CNTNAP5: variants seen among roughly 807,000 people sequenced by gnomAD.
CNTNAP5 encodes the protein contactin-associated protein-like 5.
In CNTNAP5, 72 loss-of-function variants were observed where a neutral mutation model predicts 150.2. The observed-to-expected ratio is 0.48, with a 90% CI of 0.40 to 0.58. The LOEUF is 0.58. CNTNAP5 is among the 20% of genes least tolerant of loss of function. The pLI, the probability that CNTNAP5 is intolerant of heterozygous loss-of-function variation, is 0.00. For synonymous variants in CNTNAP5, 672 were observed against 619.8 expected (o/e 1.08, Z -1.25); for missense variants, 1,636 against 1,626.2 (o/e 1.01, Z -0.10).
chr2:124,290,616 T>A (rs999125805), intron 3 of CNTNAP5, among the ~76,000 whole-genome samples: 2 of 152,220 alleles, frequency 1.3e-5, no homozygotes, highest in Admixed American at 6.5e-5. Flanking sequence ...ACAGAATAGT[T>A]CTGCTGTCAT....
chr2:124,059,542 CT>C (rs1243574679), intron 1 of CNTNAP5, among the ~76,000 whole-genome samples: 5 of 152,156 alleles, frequency 3.3e-5, no homozygotes, highest in Non-Finnish European at 7.3e-5. Context: ...TCAGATTTTC[CT>C]GTCAAAATAA....
intron 3 of CNTNAP5, among the ~76,000 whole-genome samples, chr2:124,270,701 ATG>A (rs149484374): frequency 4.0e-5 from 6 of 151,674 alleles, no homozygotes; most frequent in Admixed American, 6.6e-5. Flanking sequence ...GCTTGCGTGC[ATG>A]TGTGTGTGTG....
rs575966211 is a variant in CNTNAP5, at chr2:124,577,157, T to G, written c.1756+13834T>G. 2.1e-4 allele frequency among the ~76,000 whole-genome samples: 32 copies of G among 152,322 alleles called. 1 individual carries two copies. In the South Asian group the frequency reaches 6.0e-3, roughly 29 times the overall value. ...TTATTTTGGCTCTCAATGATCCTAC[T>G]ATGGACTTGCCATTTTTTCCGCAGC... On this transcript the variant is annotated intron_variant, in intron 11 of 23. Transcript: ENST00000682447.
At chr2:124,699,566 C>A (rs762443762) in intron 13 of CNTNAP5, among the ~76,000 whole-genome samples, 1 of 152,126 alleles carries the variant, frequency 6.6e-6, no homozygotes, top group Non-Finnish European at 1.5e-5. Context: ...CAAGGTTGTG[C>A]GGATGTGCCA....
chr2:124,402,722 G>A (rs937987110), intron 3 of CNTNAP5, among the ~76,000 whole-genome samples: 3 of 152,122 alleles, frequency 2.0e-5, no homozygotes, highest in Non-Finnish European at 4.4e-5. Flanking sequence ...GCTATTAAAC[G>A]ACAAGTAGAT....
At chr2:124,169,433 T>G (rs1299825691) in intron 1 of CNTNAP5, among the ~76,000 whole-genome samples, 1 of 152,202 alleles carries the variant, frequency 6.6e-6, no homozygotes, top group African/African-American at 2.4e-5. Flanking sequence ...AAACGGTTCC[T>G]TCTGAAAGAA....
chr2:124,778,590 T>TG (rs540740118), intron 17 of CNTNAP5: 142 of 154,208 alleles, frequency 9.2e-4, no homozygotes, highest in Non-Finnish European at 1.2e-3. Flanking sequence ...AGCACATGTC[T>TG]GGGGATCTTC....
At chr2:124,765,223 C>T (rs1681044393) in intron 16 of CNTNAP5, among the ~76,000 whole-genome samples, 1 of 151,880 alleles carries the variant, frequency 6.6e-6, no homozygotes, top group South Asian at 2.1e-4. Context: ...CATGTCTCTG[C>T]AAGCAAAAAA....
intron 3 of CNTNAP5, among the ~76,000 whole-genome samples, chr2:124,305,696 T>C (rs528422286): frequency 6.6e-6 from 1 of 152,296 alleles, no homozygotes; most frequent in Non-Finnish European, 1.5e-5. Context: ...TGGCCACTTC[T>C]TGCCCTTTTG....
At chr2:124,673,361 T>C (rs2105059818) in intron 13 of CNTNAP5, among the ~76,000 whole-genome samples, 1 of 152,222 alleles carries the variant, frequency 6.6e-6, no homozygotes, top group Non-Finnish European at 1.5e-5. Context: ...TGAGCAATAA[T>C]GAATGAGGAA....
At chr2:124,652,682 C>G (rs985176043) in intron 13 of CNTNAP5, among the ~76,000 whole-genome samples, 1 of 152,140 alleles carries the variant, frequency 6.6e-6, no homozygotes, top group Non-Finnish European at 1.5e-5. Context: ...GTGCCCAGAT[C>G]TCTGCTGGGA....
intron 16 of CNTNAP5, among the ~76,000 whole-genome samples, chr2:124,769,735 T>G (rs1449414424): frequency 1.3e-5 from 2 of 152,144 alleles, no homozygotes; most frequent in African/African-American, 4.8e-5. Context: ...GTGTGGAGGT[T>G]TTATCGCAGG....
At chr2:124,302,550 A>G (rs1002478558) in intron 3 of CNTNAP5, among the ~76,000 whole-genome samples, 2 of 152,106 alleles carry the variant, frequency 1.3e-5, no homozygotes, top group African/African-American at 2.4e-5. Flanking sequence ...TAAACCTACC[A>G]TTTTACCAGG....
chr2:124,880,103 A>G (rs1247707916), intron 21 of CNTNAP5, among the ~76,000 whole-genome samples: 1 of 152,152 alleles, frequency 6.6e-6, no homozygotes. Context: ...TTATTTTTGC[A>G]GGATGCCATT....
At chr2:124,260,487 C>T (rs1188351795) in intron 3 of CNTNAP5, among the ~76,000 whole-genome samples, 1 of 152,154 alleles carries the variant, frequency 6.6e-6, no homozygotes, top group African/African-American at 2.4e-5. Context: ...ACACAAAAAG[C>T]AATGGCAACA....
chr2:124,418,556 A>G (rs1691990069), intron 4 of CNTNAP5, among the ~76,000 whole-genome samples: 1 of 152,224 alleles, frequency 6.6e-6, no homozygotes, highest in Admixed American at 6.5e-5. Context: ...CAAGTAAACT[A>G]TGGATATAGA....
At chr2:124,901,904 G>A (rs1417738926) in intron 21 of CNTNAP5, among the ~76,000 whole-genome samples, 3 of 152,042 alleles carry the variant, frequency 2.0e-5, no homozygotes, top group Non-Finnish European at 2.9e-5. Context: ...CCAACATAAT[G>A]CATGCTTATA....
rs201132721 is a variant in CNTNAP5, at chr2:124,914,261, C to T, written c.3897C>T (p.Ser1299=). The part of the protein sequence containing the change: ...RNEIDLQNTV[S]ECKREYFI ...AAATTGACTTGCAAAACACAGTGAG[C>T]GAGTGTAAACGGGAATATTTCATCT... The change falls in exon 24 of 24, where the codon AGC becomes AGT. Residue 1299 remains serine, a synonymous_variant. Transcript: ENST00000682447. 1.4e-5 allele frequency: 22 copies of T among 1,611,628 alleles called. No homozygotes were observed. The highest frequency in any genetic ancestry group is 4.5e-5 in the East Asian group (2 of 44,704).
chr2:124,694,095 C>T (rs1679355247), intron 13 of CNTNAP5, among the ~76,000 whole-genome samples: 2 of 152,148 alleles, frequency 1.3e-5, no homozygotes, highest in Non-Finnish European at 2.9e-5. Flanking sequence ...TGGCACAGCT[C>T]CATGACCTCC....
Sources: allele counts gnomAD v4.1 joint callset (sites outside exome capture counted in the v4.1 genomes callset), GRCh38; gene constraint gnomAD v4.1.1; transcripts MANE v1.5; gene names NCBI Gene and HGNC (gene_info 2026-07-23, HGNC 2026-07-21).